Variants in PRICKLE1 observed in about 807,000 individuals in gnomAD.
The protein encoded by PRICKLE1 is prickle-like protein 1.
A neutral mutation model predicts 70.2 loss-of-function variants in PRICKLE1; 14 were observed. That is an observed-to-expected ratio of 0.20 (90% CI 0.13 to 0.31). PRICKLE1 has a LOEUF of 0.31. Ranked by LOEUF, PRICKLE1 falls within the 10% of genes least tolerant of loss-of-function variation. PRICKLE1 has a pLI of 1.00. For missense variants in PRICKLE1, 821 were observed against 1,026.2 expected, an observed-to-expected ratio of 0.80 and a Z score of 2.73; for synonymous variants, 357 against 379.9, an observed-to-expected ratio of 0.94 and a Z score of 0.70.
intron 5 of PRICKLE1, among the ~76,000 whole-genome samples, chr12:42,468,219 T>A (rs1938177461): frequency 6.6e-6 from 1 of 152,248 alleles, no homozygotes; most frequent in Non-Finnish European, 1.5e-5. Context: ...TAATTTGGTA[T>A]TTGTCTTTCC....
intron 1 of PRICKLE1, among the ~76,000 whole-genome samples, chr12:42,525,397 C>T (rs375571328): frequency 2.0e-5 from 3 of 152,126 alleles, no homozygotes; most frequent in Non-Finnish European, 4.4e-5. Flanking sequence ...AGGAGAGGGT[C>T]GAGGGAACCC....
intron 1 of PRICKLE1, among the ~76,000 whole-genome samples, chr12:42,526,396 G>A (rs975000919): frequency 6.6e-6 from 1 of 151,938 alleles, no homozygotes; most frequent in Non-Finnish European, 1.5e-5. Flanking sequence ...CAGAGGTTGA[G>A]GTTTGTTTGG....
intron 1 of PRICKLE1, among the ~76,000 whole-genome samples, chr12:42,485,677 G>A (rs535137414): frequency 2.2e-4 from 34 of 152,310 alleles, no homozygotes; most frequent in African/African-American, 7.7e-4. Context: ...GTATCAGCAG[G>A]TGAATACATT....
chr12:42,586,698 T>A (rs1216550033), intron 1 of PRICKLE1, among the ~76,000 whole-genome samples: 1 of 152,238 alleles, frequency 6.6e-6, no homozygotes, highest in Admixed American at 6.5e-5. Flanking sequence ...GGAAAATACT[T>A]TGTAAAGATT....
At chr12:42,513,112 C>G (rs1008768422) in intron 1 of PRICKLE1, among the ~76,000 whole-genome samples, 6 of 152,136 alleles carry the variant, frequency 3.9e-5, no homozygotes, top group African/African-American at 1.4e-4. Context: ...CAGGCGCCTG[C>G]CACCATGCCT....
intron 1 of PRICKLE1, among the ~76,000 whole-genome samples, chr12:42,558,717 GA>G (rs1184262634): frequency 1.3e-5 from 2 of 152,192 alleles, no homozygotes; most frequent in Non-Finnish European, 2.9e-5. Flanking sequence ...TGGCTTTAAT[GA>G]CCTTATTTTC....
chr12:42,532,822 G>A (rs1336400628), intron 1 of PRICKLE1, among the ~76,000 whole-genome samples: 1 of 151,928 alleles, frequency 6.6e-6, no homozygotes, highest in East Asian at 1.9e-4. Flanking sequence ...GTGTGAACCC[G>A]GGAGGCGGAG....
chr12:42,537,742 C>T (rs1940039574), intron 1 of PRICKLE1, among the ~76,000 whole-genome samples: 1 of 152,196 alleles, frequency 6.6e-6, no homozygotes, highest in Non-Finnish European at 1.5e-5. Flanking sequence ...TGTGGAACCA[C>T]TACTTGGTAA....
intron 1 of PRICKLE1, among the ~76,000 whole-genome samples, chr12:42,587,723 G>C (rs1941006311): frequency 6.6e-6 from 1 of 152,220 alleles, no homozygotes. Flanking sequence ...ACCAAGGCTA[G>C]GACCACATTG....
At chr12:42,584,050 T>G (rs1011076978) in intron 1 of PRICKLE1, among the ~76,000 whole-genome samples, 7 of 152,194 alleles carry the variant, frequency 4.6e-5, no homozygotes, top group African/African-American at 1.7e-4. Context: ...AAAAGGTTTC[T>G]AAAAAGGGTT....
At chr12:42,514,489 C>T (rs1417128683) in intron 1 of PRICKLE1, among the ~76,000 whole-genome samples, 1 of 151,998 alleles carries the variant, frequency 6.6e-6, no homozygotes, top group Non-Finnish European at 1.5e-5. Context: ...ATTACTGCTA[C>T]AAAAGAATGA....
chr12:42,574,261 C>T (rs1325496647), intron 1 of PRICKLE1, among the ~76,000 whole-genome samples: 3 of 152,150 alleles, frequency 2.0e-5, no homozygotes, highest in African/African-American at 7.2e-5. Flanking sequence ...ATATAGCTGC[C>T]TTATGACAAA....
intron 1 of PRICKLE1, among the ~76,000 whole-genome samples, chr12:42,561,928 T>C (rs1418264743): frequency 1.4e-4 from 14 of 97,998 alleles, no homozygotes; most frequent in Non-Finnish European, 2.5e-4. Flanking sequence ...TTTTTTTTTT[T>C]CCAGACAGAG....
intron 1 of PRICKLE1, among the ~76,000 whole-genome samples, chr12:42,539,734 C>T (rs1330024051): frequency 2.0e-5 from 3 of 152,182 alleles, no homozygotes; most frequent in Admixed American, 6.5e-5. Context: ...TGAAAAGTCA[C>T]ATATTTATGC....
At chr12:42,531,512 G>A (rs1463285357) in intron 1 of PRICKLE1, among the ~76,000 whole-genome samples, 1 of 152,054 alleles carries the variant, frequency 6.6e-6, no homozygotes, top group Non-Finnish European at 1.5e-5. Flanking sequence ...ATTCAGAAAG[G>A]CTTAAAAATA....
At chr12:42,490,383 CT>C (rs1229648586) in intron 1 of PRICKLE1, among the ~76,000 whole-genome samples, 1 of 152,208 alleles carries the variant, frequency 6.6e-6, no homozygotes, top group Non-Finnish European at 1.5e-5. Context: ...AGGCTGGAGA[CT>C]GCCCAAAGGC....
At chr12:42,541,733 G>T (rs180791503) in intron 1 of PRICKLE1, among the ~76,000 whole-genome samples, 70 of 152,316 alleles carry the variant, frequency 4.6e-4, no homozygotes, top group African/African-American at 1.6e-3. Context: ...CCAGGTGACT[G>T]TCACTAGCCA....
At chr12:42,491,032 G>T (rs370528081) in intron 1 of PRICKLE1, among the ~76,000 whole-genome samples, 16 of 151,578 alleles carry the variant, frequency 1.1e-4, no homozygotes, top group Middle Eastern at 6.8e-3. Flanking sequence ...GCGCCACCGT[G>T]CCTGGCTACT....
intron 1 of PRICKLE1, among the ~76,000 whole-genome samples, chr12:42,527,681 G>T (rs529414495): frequency 6.6e-6 from 1 of 152,016 alleles, no homozygotes; most frequent in African/African-American, 2.4e-5. Context: ...TGAACAAAGT[G>T]GTGGGCTGGG....
Sources: allele counts gnomAD v4.1 joint callset (sites outside exome capture counted in the v4.1 genomes callset), GRCh38; gene constraint gnomAD v4.1.1; transcripts MANE v1.5; gene names NCBI Gene and HGNC (gene_info 2026-07-23, HGNC 2026-07-21).